The following SORT1 variants were observed in gnomAD, a reference collection of about 807,000 sequenced individuals.
The protein encoded by SORT1 is sortilin.
Under a neutral mutation model 101.7 loss-of-function variants are expected in SORT1, and 39 were observed. The ratio of observed to expected loss-of-function variants is 0.38; its 90% confidence interval spans 0.30 to 0.50. The LOEUF (loss-of-function observed/expected upper bound fraction) is 0.50, where lower values mean the gene tolerates loss of function less well. Ranked by LOEUF, SORT1 falls within the 20% of genes least tolerant of loss-of-function variation. The pLI, the probability that SORT1 is intolerant of heterozygous loss-of-function variation, is 0.90. For synonymous variants in SORT1, 396 were observed against 393.7 expected, an observed-to-expected ratio of 1.01 and a Z score of -0.07; for missense variants, 878 against 1,040.4, an observed-to-expected ratio of 0.84 and a Z score of 2.15.
At position 109,314,243 on chromosome 1, in the gene SORT1, A is replaced by G; in HGVS notation, c.2481+18T>C. 1.9e-6 allele frequency: 3 copies of G among 1,611,248 alleles called. No homozygotes were observed. The highest frequency in any genetic ancestry group is 2.5e-6 in the Non-Finnish European group (3 of 1,178,714). On this transcript the variant is annotated intron_variant, in intron 19 of 19. Coordinates refer to ENST00000256637, the MANE Select transcript of SORT1 (RefSeq NM_002959.7). Reference sequence around the variant, plus strand: ...TTTGGGGGGGGGGGTACTACCATTCAAGAAGAAATAGCCTCACCTCATCTG... The same window carrying G: ...TTTGGGGGGGGGGGTACTACCATTCGAGAAGAAATAGCCTCACCTCATCTG...
chr1:109,393,493 G>A lies in SORT1; in HGVS notation c.306+4094C>T, dbSNP rs76686228. On this transcript the variant is annotated intron_variant, in intron 1 of 19. Coordinates refer to ENST00000256637, the MANE Select transcript of SORT1 (RefSeq NM_002959.7). ...GACAGTTTCATGCCTACCCTCAAAGGGGTGCTTACAGCAGAAATGTTTTGA... is the reference window on the plus strand; with the variant it reads ...GACAGTTTCATGCCTACCCTCAAAGAGGTGCTTACAGCAGAAATGTTTTGA... 4.6e-3 allele frequency: 776 copies of A among 169,794 alleles called. 6 individuals are homozygous for A. Among genetic ancestry groups the A allele is most frequent in the African/African-American group, 0.018 (753 of 41,852 alleles). 10.5% of individuals were successfully genotyped at this position (169,794 alleles called of 1,614,324 possible). A position where few individuals can be genotyped will look rare whatever the true frequency, so the allele number is the denominator to read the frequency against.
chr1:109,356,402 G>A (rs1435987001), intron 3 of SORT1, among the ~76,000 whole-genome samples: 1 of 152,154 alleles, frequency 6.6e-6, no homozygotes, highest in African/African-American at 2.4e-5. Flanking sequence ...GGAGCACAGA[G>A]AAGGTAATTT....
rs1004618293 is a variant in SORT1 at position 109,310,176 on chromosome 1, C to T, written c.*3867G>A. 2.0e-5 allele frequency: 3 copies of T among 152,566 alleles called. No homozygotes were observed. The highest frequency in any genetic ancestry group is 4.4e-5 in the Non-Finnish European group (3 of 68,030). The allele number at this position is 152,566 out of a possible 1,614,324, so 9.5% of individuals were successfully genotyped here. On this transcript the variant is annotated 3_prime_UTR_variant, in exon 20 of 20. Coordinates refer to ENST00000256637, the MANE Select transcript of SORT1 (RefSeq NM_002959.7). Reference sequence around the variant, plus strand: ...GTTTATATATGTATATATGTACACACACATATATATAAAGGTACAGATTAG... The same window carrying T: ...GTTTATATATGTATATATGTACACATACATATATATAAAGGTACAGATTAG...
chr1:109,376,457 T>C (rs1651863124), intron 1 of SORT1, among the ~76,000 whole-genome samples: 1 of 152,000 alleles, frequency 6.6e-6, no homozygotes, highest in Non-Finnish European at 1.5e-5. Flanking sequence ...ATGTTAATTA[T>C]AGCTCTATTT....
chr1:109,367,231 AAACAAC>A (rs368734568), intron 3 of SORT1, 171 bp downstream of exon 3: 12 of 510,850 alleles, frequency 2.3e-5, no homozygotes, highest in Admixed American at 6.9e-5. Flanking sequence ...CTGTCTCAAA[AAACAAC>A]AACAACAACA....
Position 109,314,002 on chromosome 1 carries a change from G to A in SORT1, c.*41C>T. ...AGCCACAGGGAGTGTAAGAGGTACT[G>A]TGGTTCCACCATCCATGCTGGGTCC... On this transcript the variant is annotated 3_prime_UTR_variant, in exon 20 of 20. Transcript: ENST00000256637. 6.2e-7 allele frequency: 1 copy of A among 1,604,704 alleles called. No individual in the cohort carries two copies. The highest frequency in any genetic ancestry group is 8.5e-7 in the Non-Finnish European group (1 of 1,171,678).
chr1:109,352,702 T>C (rs901746427), intron 5 of SORT1, among the ~76,000 whole-genome samples: 6 of 152,238 alleles, frequency 3.9e-5, no homozygotes, highest in African/African-American at 9.6e-5. Flanking sequence ...CAGAATTTGA[T>C]ACCACTGATT....
At chr1:109,395,749 A>C (rs1366857722) in intron 1 of SORT1, among the ~76,000 whole-genome samples, 1 of 152,064 alleles carries the variant, frequency 6.6e-6, no homozygotes, top group Non-Finnish European at 1.5e-5. Flanking sequence ...ATGACACATC[A>C]ATTCAAACTA....
chr1:109,327,718 C>T (rs147254097), intron 11 of SORT1, 117 bp from the exon 12 acceptor site: 6 of 543,564 alleles, frequency 1.1e-5, no homozygotes, highest in African/African-American at 9.8e-5. Context: ...GGTAAAAGTA[C>T]TATCTTAACT....
chr1:109,359,771 A>AT (rs1458723265), intron 3 of SORT1, among the ~76,000 whole-genome samples: 1 of 152,170 alleles, frequency 6.6e-6, no homozygotes, highest in Non-Finnish European at 1.5e-5. Context: ...AAGTGCAGGG[A>AT]TTACAGGCAT....
chr1:109,351,294 G>A (rs745775122), intron 5 of SORT1, among the ~76,000 whole-genome samples: 4 of 152,176 alleles, frequency 2.6e-5, no homozygotes, highest in Non-Finnish European at 5.9e-5. Context: ...TGAGAGAAGG[G>A]GCTCACAGTT....
chr1:109,319,117 T>G (rs531999207), intron 15 of SORT1, among the ~76,000 whole-genome samples: 2 of 152,336 alleles, frequency 1.3e-5, no homozygotes, highest in South Asian at 4.1e-4. Context: ...ATTATTATGT[T>G]GCCCTTGCAG....
intron 13 of SORT1, among the ~76,000 whole-genome samples, chr1:109,326,508 C>CTCAT: frequency 2.3e-5 from 1 of 44,308 alleles, no homozygotes; most frequent in African/African-American, 6.1e-5. Context: ...CATATATACA[C>CTCAT]ACATACACAT....
chr1:109,387,119 C>T (rs1394592639), intron 1 of SORT1, among the ~76,000 whole-genome samples: 3 of 151,778 alleles, frequency 2.0e-5, no homozygotes, highest in African/African-American at 7.3e-5. Context: ...GGTGAAACCC[C>T]ATCTCTACTA....
chr1:109,370,179 AAGG>A, intron 1 of SORT1, among the ~76,000 whole-genome samples: 1 of 152,334 alleles, frequency 6.6e-6, no homozygotes, highest in South Asian at 2.1e-4. Context: ...CAGTGAGAGT[AAGG>A]AGGTAAAAAA....
At chr1:109,387,558 C>A (rs1227985393) in intron 1 of SORT1, among the ~76,000 whole-genome samples, 2 of 152,054 alleles carry the variant, frequency 1.3e-5, no homozygotes, top group African/African-American at 2.4e-5. Context: ...AACTATTTAA[C>A]CATATATGCT....
intron 3 of SORT1, among the ~76,000 whole-genome samples, chr1:109,364,296 T>C (rs1471575665): frequency 6.6e-6 from 1 of 152,222 alleles, no homozygotes; most frequent in Admixed American, 6.5e-5. Flanking sequence ...GTTTTGGTTT[T>C]GATTGTCTTA....
chr1:109,346,037 C>A (rs1018606698), intron 7 of SORT1, among the ~76,000 whole-genome samples, 156 bp from the exon 8 acceptor site: 1 of 152,124 alleles, frequency 6.6e-6, no homozygotes, highest in East Asian at 1.9e-4. Flanking sequence ...AGCGGCCAGG[C>A]GCAGTGGCTC....
intron 1 of SORT1, among the ~76,000 whole-genome samples, chr1:109,376,397 G>T (rs984166127): frequency 1.3e-5 from 2 of 151,158 alleles, no homozygotes; most frequent in African/African-American, 4.9e-5. Context: ...CTGTTACTGG[G>T]TATATATCCA....
Sources: gnomAD v4.1 joint callset for allele counts (sites outside exome capture counted in the v4.1 genomes callset) on GRCh38, gnomAD v4.1.1 for gene constraint, MANE v1.5 for transcripts, NCBI Gene and HGNC (gene_info 2026-07-23, HGNC 2026-07-21) for gene names.